The following CACHD1 variants were observed in gnomAD, a reference collection of about 807,000 sequenced individuals.
CACHD1 encodes the protein cache domain containing 1.
Under a neutral mutation model 138.7 loss-of-function variants are expected in CACHD1, and 71 were observed. The ratio of observed to expected loss-of-function variants is 0.51; its 90% CI spans 0.42 to 0.62. The LOEUF (loss-of-function observed/expected upper bound fraction) is 0.62, where lower values mean the gene tolerates loss of function less well. Ranked by LOEUF, CACHD1 falls within the 20% of genes least tolerant of loss-of-function variation. The pLI, the probability that CACHD1 is intolerant of heterozygous loss-of-function variation, is 0.00. For missense variants in CACHD1, 1,389 were observed against 1,625.3 expected (o/e 0.85, Z 2.50); for synonymous variants, 578 against 591.5 (o/e 0.98, Z 0.33).
intron 13 of CACHD1, 128 bp from the exon 14 acceptor site, chr1:64,663,567 A>T: frequency 8.4e-7 from 1 of 1,185,334 alleles, no homozygotes; most frequent in Non-Finnish European, 1.2e-6. Context: ...AAAAAAAAAG[A>T]AAAAAAGGAA....
At chr1:64,572,237 A>G (rs946753057) in intron 2 of CACHD1, among the ~76,000 whole-genome samples, 4 of 151,802 alleles carry the variant, frequency 2.6e-5, no homozygotes, top group African/African-American at 9.7e-5. Flanking sequence ...CAGCTTCTCG[A>G]TTTTTTTTCT....
intron 1 of CACHD1, among the ~76,000 whole-genome samples, chr1:64,500,571 G>T (rs1374207729): frequency 3.3e-5 from 5 of 151,982 alleles, no homozygotes. Flanking sequence ...AACCTACTGC[G>T]GCCGGGCTCA....
At chr1:64,615,608 CT>C (rs1245572090) in intron 4 of CACHD1, among the ~76,000 whole-genome samples, 2 of 152,170 alleles carry the variant, frequency 1.3e-5, no homozygotes, top group African/African-American at 4.8e-5. Context: ...ATGAAAGTCA[CT>C]AGGATTTTTG....
At chr1:64,676,173 T>C (rs1272351609) in intron 21 of CACHD1, among the ~76,000 whole-genome samples, 190 bp downstream of exon 21, 2 of 152,044 alleles carry the variant, frequency 1.3e-5, no homozygotes, top group Non-Finnish European at 2.9e-5. Context: ...ATGATGCCTG[T>C]TTCAAGGTTT....
chr1:64,552,581 C>T (rs1191740441), intron 2 of CACHD1, among the ~76,000 whole-genome samples: 1 of 151,116 alleles, frequency 6.6e-6, no homozygotes, highest in Non-Finnish European at 1.5e-5. Flanking sequence ...TCAAGTGATC[C>T]TCCCATCTCA....
chr1:64,472,239 TTCCTCC>T (rs138505145), intron 1 of CACHD1, among the ~76,000 whole-genome samples: 1 of 152,022 alleles, frequency 6.6e-6, no homozygotes, highest in Admixed American at 6.6e-5. Context: ...TTCCTTCTTC[TTCCTCC>T]TCCTCCTCCT....
chr1:64,622,513 C>T (rs1465585831), intron 4 of CACHD1, among the ~76,000 whole-genome samples: 1 of 152,184 alleles, frequency 6.6e-6, no homozygotes, highest in Non-Finnish European at 1.5e-5. Flanking sequence ...ATTGTATGTA[C>T]AAACTAATAA....
At position 64,516,092 on chromosome 1, in the gene CACHD1, A is replaced by G. The variant is rs529368548; in HGVS notation, c.199-34502A>G. The stretch of plus-strand genomic sequence containing the variant: ...TCAAGTAGTCTTTTTCTTGATAAGT[A>G]GCACATAAACTAGACCAACATGCAA... On this transcript the variant is annotated intron_variant, in intron 1 of 26. Transcript: ENST00000651257. Among the ~76,000 whole-genome samples, 6 of 152,340 alleles carry G rather than the reference A, an allele frequency of 3.9e-5. No individual in the cohort carries two copies. In the South Asian group the frequency reaches 1.2e-3, roughly 32 times the overall value.
intron 4 of CACHD1, among the ~76,000 whole-genome samples, chr1:64,621,054 TGCTTGTAAGG>T (rs1029604797): frequency 6.6e-6 from 1 of 152,198 alleles, no homozygotes; most frequent in Non-Finnish European, 1.5e-5. Context: ...ATATCATTCC[TGCTTGTAAGG>T]GCTTTAGAGT....
chr1:64,525,111 T>C (rs974974863), intron 1 of CACHD1, among the ~76,000 whole-genome samples: 3 of 152,218 alleles, frequency 2.0e-5, no homozygotes, highest in Non-Finnish European at 4.4e-5. Flanking sequence ...TTCTCTTTGC[T>C]TCTAATATTT....
chr1:64,578,795 G>A (rs182888441), intron 2 of CACHD1, among the ~76,000 whole-genome samples: 53 of 152,270 alleles, frequency 3.5e-4, no homozygotes, highest in African/African-American at 6.7e-4. Flanking sequence ...AAGAGTAAGC[G>A]TTCCAAGAGA....
At chr1:64,657,467 C>A (rs139721045) in intron 12 of CACHD1, among the ~76,000 whole-genome samples, 86 of 152,048 alleles carry the variant, frequency 5.7e-4, no homozygotes, top group African/African-American at 1.9e-3. Flanking sequence ...TTGGAACACA[C>A]AACATAGGAA....
chr1:64,664,588 G>A lies in CACHD1; in HGVS notation c.2185G>A (p.Val729Ile). The A allele has an allele frequency of 4.3e-6, 7 of 1,614,150 alleles. No individual in the cohort carries two copies. The highest frequency in any genetic ancestry group is 5.9e-6 in the Non-Finnish European group (7 of 1,180,012). ...MEMSSLNTYI[V>I]RRYIATPNGV... ...AATGAGTAGCCTGAACACTTACATT[G>A]TCCGCCGTTACATAGCAACACCCAA... The change falls in exon 15 of 27, where the codon GTC becomes ATC. Residue 729 changes from valine to isoleucine, a missense_variant. Val to Ile is a conservative substitution (Grantham distance 29, BLOSUM62 3). This residue lies in a region of CACHD1 where 1,000 missense variants were observed against 1,114.7 expected (regional missense o/e 0.90). Transcript: ENST00000651257.
chr1:64,520,827 C>A (rs1646492891), intron 1 of CACHD1, among the ~76,000 whole-genome samples: 1 of 152,200 alleles, frequency 6.6e-6, no homozygotes, highest in African/African-American at 2.4e-5. Context: ...TCTACTCCCC[C>A]TCTAATCAAC....
intron 1 of CACHD1, among the ~76,000 whole-genome samples, chr1:64,496,115 C>T (rs1239308201): frequency 1.3e-5 from 2 of 152,170 alleles, no homozygotes; most frequent in African/African-American, 4.8e-5. Flanking sequence ...GTGAAAGTGA[C>T]TTGATGTATG....
At chr1:64,491,436 C>T (rs1292005300) in intron 1 of CACHD1, among the ~76,000 whole-genome samples, 1 of 152,106 alleles carries the variant, frequency 6.6e-6, no homozygotes, top group African/African-American at 2.4e-5. Context: ...AAAGGGGAAG[C>T]AAGGCATGCC....
At chr1:64,483,864 TC>T (rs11297820) in intron 1 of CACHD1, among the ~76,000 whole-genome samples, 96,660 of 130,496 alleles carry the variant, frequency 0.74, 36,854 homozygotes, top group Non-Finnish European at 0.84. Context: ...TCTTTTACCT[TC>T]CCCCCCCCCC....
intron 2 of CACHD1, among the ~76,000 whole-genome samples, chr1:64,572,565 A>AC (rs1480086445): frequency 6.6e-6 from 1 of 151,988 alleles, no homozygotes; most frequent in East Asian, 1.9e-4. Context: ...ATCCAAACCA[A>AC]CCCCATTATA....
At chr1:64,597,714 G>C (rs889040578) in intron 3 of CACHD1, among the ~76,000 whole-genome samples, 3 of 151,734 alleles carry the variant, frequency 2.0e-5, no homozygotes, top group African/African-American at 7.3e-5. Flanking sequence ...TAAAAGCACA[G>C]GCATGAGGAA....
Sources: allele counts gnomAD v4.1 joint callset (sites outside exome capture counted in the v4.1 genomes callset), GRCh38; gene constraint gnomAD v4.1.1; regional missense constraint gnomAD v4.1.1; transcripts MANE v1.5; gene names NCBI Gene and HGNC (gene_info 2026-07-23, HGNC 2026-07-21).